The following MYH7B variants were observed in gnomAD, a reference collection of about 807,000 sequenced individuals.
MYH7B encodes myosin-7B.
MYH7B carries 205 observed loss-of-function variants against 234.5 expected under a neutral mutation model. The observed-to-expected ratio is 0.87, with a 90% CI of 0.78 to 0.98. MYH7B has a LOEUF of 0.98. Ranked by LOEUF, MYH7B falls within the 50% of genes least tolerant of loss-of-function variation. The pLI is 0.00. For missense variants in MYH7B, 2,652 were observed against 2,633.4 expected, an observed-to-expected ratio of 1.01 and a Z score of -0.15; for synonymous variants, 1,193 against 1,105.0, an observed-to-expected ratio of 1.08 and a Z score of -1.58.
At chr20:34,973,072 C>T (rs1569029983) in intron 2 of MYH7B, among the ~76,000 whole-genome samples, 1 of 152,178 alleles carries the variant, frequency 6.6e-6, no homozygotes, top group Non-Finnish European at 1.5e-5. Flanking sequence ...TGATGGCGCC[C>T]CAACTCCTGC....
chr20:34,971,596 G>T (rs2081794456), intron 2 of MYH7B, among the ~76,000 whole-genome samples: 1 of 152,108 alleles, frequency 6.6e-6, no homozygotes, highest in South Asian at 2.1e-4. Context: ...ACCACCCCCA[G>T]TGTGCCAGGG....
chr20:34,988,501 G>A (rs534841615), intron 19 of MYH7B, among the ~76,000 whole-genome samples: 9 of 152,240 alleles, frequency 5.9e-5, no homozygotes, highest in African/African-American at 1.2e-4. Context: ...GTGAGTGTGT[G>A]AGCAGTGTGA....
intron 10 of MYH7B, 60 bp from the exon 11 acceptor site, chr20:34,984,632 C>A: frequency 6.8e-7 from 1 of 1,478,434 alleles, no homozygotes; most frequent in Non-Finnish European, 9.3e-7. Context: ...TACCCTGCCC[C>A]ACCCCGCCCT....
At chr20:35,001,024 G>A (rs1166631654) in exon 41 of MYH7B, 1 of 1,613,874 alleles carries the variant, frequency 6.2e-7, no homozygotes, top group African/African-American at 1.3e-5. Context: ...GAAGGAGCAG[G>A]ACACAAGTGC....
exon 45 of MYH7B, chr20:35,002,322 C>T (rs967259785): frequency 9.2e-6 from 9 of 973,964 alleles, no homozygotes; most frequent in Non-Finnish European, 1.3e-5. Context: ...ATAAACACCA[C>T]AGCCAGTTTC....
intron 2 of MYH7B, among the ~76,000 whole-genome samples, chr20:34,961,184 A>G (rs2081694334): frequency 6.6e-6 from 1 of 152,304 alleles, no homozygotes; most frequent in South Asian, 2.1e-4. Flanking sequence ...CACTTGTTAT[A>G]TACTTATGTA....
At chr20:34,987,390 C>T (rs2082048727) in intron 16 of MYH7B, 103 bp downstream of exon 16, 1 of 1,500,450 alleles carries the variant, frequency 6.7e-7, no homozygotes, top group Admixed American at 1.8e-5. Context: ...TCAGTCTTAC[C>T]TGGCCCTGCC....
exon 32 of MYH7B, chr20:34,997,505 G>A (rs1336078777): frequency 1.0e-5 from 16 of 1,584,884 alleles, no homozygotes; most frequent in African/African-American, 4.1e-5. Context: ...GCAAGCAGGC[G>A]GAGGGCGCGG....
intron 24 of MYH7B, 101 bp downstream of exon 24, chr20:34,991,222 G>T: frequency 2.4e-6 from 2 of 827,970 alleles, no homozygotes; most frequent in Non-Finnish European, 3.8e-6. Flanking sequence ...CTGTCTGGAG[G>T]GGGAAGCAGG....
At chr20:34,981,001 C>G in intron 8 of MYH7B, 32 bp from the exon 9 acceptor site, 1 of 1,614,164 alleles carries the variant, frequency 6.2e-7, no homozygotes, top group Non-Finnish European at 8.5e-7. Context: ...CACACCTTGG[C>G]TGACTTCTCT....
Position 34,999,258 on chromosome 20 carries a change from C to T in MYH7B, c.4393C>T (p.Arg1465Trp), listed in dbSNP as rs770198405. 1.1e-4 allele frequency: 170 copies of T among 1,601,626 alleles called. No homozygotes were observed. Among genetic ancestry groups the T allele is most frequent in the South Asian group, 9.3e-4 (83 of 89,400 alleles). The change falls in exon 36 of 45, where the codon CGG becomes TGG. Residue 1465 changes from arginine (R) to tryptophan (W), a missense_variant. By Grantham distance (101) the Arg-to-Trp change is moderately radical. Around this residue, in one of 3 missense-constraint regions of MYH7B, gnomAD observed 2,279 missense variants for 2,211.4 expected, o/e 1.03. Transcript: ENST00000262873. ...GGAACGGGCACTGGAGGAACGGCGG[C>T]GGCAGGAGGAGGAGATGCAGCGGGA...
chr20:34,987,980 G>GA (rs2082062556), intron 18 of MYH7B, 66 bp downstream of exon 18: 6 of 1,557,170 alleles, frequency 3.9e-6, no homozygotes, highest in Non-Finnish European at 5.2e-6. Flanking sequence ...CTGTGGGGGG[G>GA]CAGAAGCCCT....
chr20:34,967,670 G>C (rs1347405449), intron 2 of MYH7B, among the ~76,000 whole-genome samples: 1 of 152,158 alleles, frequency 6.6e-6, no homozygotes, highest in Non-Finnish European at 1.5e-5. Context: ...TGTCAACTGT[G>C]CTTAACCGTC....
intron 2 of MYH7B, among the ~76,000 whole-genome samples, chr20:34,963,575 TAAAATTTTGAC>T (rs1464254383): frequency 6.6e-6 from 1 of 152,254 alleles, no homozygotes; most frequent in African/African-American, 2.4e-5. Flanking sequence ...GCACATATTT[TAAAATTTTGAC>T]GAAGTCCAAT....
intron 30 of MYH7B, 87 bp from the exon 31 acceptor site, chr20:34,996,996 C>G: frequency 7.1e-7 from 1 of 1,409,524 alleles, no homozygotes; most frequent in Non-Finnish European, 9.5e-7. Flanking sequence ...CCCTCAGGGC[C>G]TGAAGGGGAC....
chr20:34,980,910 C>T, intron 8 of MYH7B, 123 bp from the exon 9 acceptor site: 2 of 1,507,350 alleles, frequency 1.3e-6, no homozygotes, highest in Non-Finnish European at 1.8e-6. Context: ...GACAGCCCCA[C>T]CTGCTCCTTC....
At position 35,001,942 on chromosome 20, in the gene MYH7B, C is replaced by T; in HGVS notation, c.5677-6C>T. The T allele has an allele frequency of 6.2e-7, 1 of 1,611,232 alleles. No homozygotes were observed. Among genetic ancestry groups the T allele is most frequent in the Non-Finnish European group, 8.5e-7 (1 of 1,178,446 alleles). On this transcript the variant is annotated splice_region_variant and splice_polypyrimidine_tract_variant and intron_variant, in intron 43 of 44. Coordinates refer to ENST00000262873, the Ensembl canonical transcript of MYH7B. ...AGCGGAACCAAGGCCCTGTGTGTGC[C>T]CCCAGGAGCAGCAGGCCAACACCAA... is the stretch of plus-strand genomic sequence containing the variant.
exon 10 of MYH7B, chr20:34,982,468 G>A (rs759659473): frequency 5.6e-6 from 9 of 1,613,754 alleles, no homozygotes; most frequent in East Asian, 2.2e-5. Context: ...GCGGAGAGTC[G>A]GGGGCCGGTA....
chr20:35,001,303 A>C (rs770874799), exon 42 of MYH7B: 2 of 1,612,966 alleles, frequency 1.2e-6, no homozygotes, highest in South Asian at 1.1e-5. Context: ...GAGGCCCTTA[A>C]GGGCGTGCGC....
Sources: gnomAD v4.1 joint callset for allele counts (sites outside exome capture counted in the v4.1 genomes callset) on GRCh38, gnomAD v4.1.1 for gene constraint, gnomAD v4.1.1 regional missense constraint, MANE v1.5 for transcripts, NCBI Gene and HGNC (gene_info 2026-07-23, HGNC 2026-07-21) for gene names.